The following SRC variants were observed in gnomAD, a reference collection of about 807,000 sequenced individuals.
SRC encodes proto-oncogene tyrosine-protein kinase Src.
Under a neutral mutation model 62.9 loss-of-function variants are expected in SRC, and 13 were observed. That is an observed-to-expected ratio of 0.21 (90% CI 0.13 to 0.33). The LOEUF (loss-of-function observed/expected upper bound fraction) is 0.33. SRC is among the 10% of genes least tolerant of loss of function. The pLI is 1.00. For missense variants in SRC, 457 were observed against 737.3 expected (o/e 0.62, Z 4.40); for synonymous variants, 302 against 317.5 (o/e 0.95, Z 0.52).
At position 37,351,939 on chromosome 20, in the gene SRC, T is replaced by G. The variant is rs1332154586; in HGVS notation, c.-247+5684T>G. ...CCCAGGTATAGGAGGGGTGCGGTGC[T>G]GGGGGCAGGTGACCCTGACTCTCTG... On this transcript the variant is annotated intron_variant, in intron 1 of 13. Coordinates refer to ENST00000373578, the MANE Select transcript of SRC (RefSeq NM_198291.3). The surrounding 1 kb of genome is among the most constrained non-coding windows in gnomAD (Gnocchi z 4.4). Among the ~76,000 whole-genome samples, 2 of 152,214 alleles carry G rather than the reference T, an allele frequency of 1.3e-5. No homozygotes were observed. Among genetic ancestry groups the G allele is most frequent in the African/African-American group, 4.8e-5 (2 of 41,458 alleles).
At chr20:37,373,118 A>C (rs2146990541) in intron 2 of SRC, among the ~76,000 whole-genome samples, 1 of 150,058 alleles carries the variant, frequency 6.7e-6, no homozygotes, top group East Asian at 1.9e-4. Context: ...ATGTACACAC[A>C]CATATGTACA....
intron 2 of SRC, among the ~76,000 whole-genome samples, chr20:37,375,562 A>G (rs180864686): frequency 1.3e-5 from 2 of 151,734 alleles, no homozygotes; most frequent in East Asian, 3.9e-4. Context: ...TTTTTTAGAG[A>G]TGGTGTTTTA....
chr20:37,354,847 A>T (rs2069857474), intron 1 of SRC, among the ~76,000 whole-genome samples: 1 of 152,130 alleles, frequency 6.6e-6, no homozygotes, highest in Non-Finnish European at 1.5e-5. Context: ...TGGTTTTCCC[A>T]CCTATGAGAA....
chr20:37,352,828 C>T (rs2069826450), intron 1 of SRC, among the ~76,000 whole-genome samples: 2 of 152,188 alleles, frequency 1.3e-5, no homozygotes. Context: ...TACACCTTTG[C>T]CCCTGCAGCT....
intron 2 of SRC, among the ~76,000 whole-genome samples, chr20:37,372,076 C>A (rs2070174275): frequency 6.6e-6 from 1 of 152,168 alleles, no homozygotes; most frequent in Non-Finnish European, 1.5e-5. Context: ...TGGCTCATTG[C>A]AGCTCTGAAC....
chr20:37,369,254 T>C (rs571447525), intron 2 of SRC, among the ~76,000 whole-genome samples: 1 of 152,322 alleles, frequency 6.6e-6, no homozygotes, highest in South Asian at 2.1e-4. Context: ...AGCAGACCAA[T>C]TGGGGAGTAT....
chr20:37,368,544 G>GTTTTTTTT (rs1463098892), intron 2 of SRC, among the ~76,000 whole-genome samples: 13 of 73,974 alleles, frequency 1.8e-4, no homozygotes, highest in Non-Finnish European at 2.2e-4. Flanking sequence ...TTTTTTTTTT[G>GTTTTTTTT]TTTTTTTTTT....
At chr20:37,358,893 G>A (rs546499870) in intron 1 of SRC, among the ~76,000 whole-genome samples, 2 of 152,392 alleles carry the variant, frequency 1.3e-5, no homozygotes, top group South Asian at 4.1e-4. Flanking sequence ...TACTGTCCCT[G>A]AGCATGTTCG....
chr20:37,378,641 G>T (rs892419740), intron 2 of SRC, among the ~76,000 whole-genome samples: 1 of 152,182 alleles, frequency 6.6e-6, no homozygotes, highest in Non-Finnish European at 1.5e-5. Context: ...GAGGACTGGA[G>T]CCCCTTTATT....
At chr20:37,383,406 T>C (rs2070393560) in intron 3 of SRC, among the ~76,000 whole-genome samples, 1 of 152,104 alleles carries the variant, frequency 6.6e-6, no homozygotes, top group Admixed American at 6.5e-5. Flanking sequence ...TTAGCACCTT[T>C]CCCCAGCGTT....
intron 1 of SRC, among the ~76,000 whole-genome samples, chr20:37,354,486 T>C (rs747182): frequency 0.16 from 23,774 of 152,122 alleles, 1,989 homozygotes; most frequent in Middle Eastern, 0.22. Flanking sequence ...AGGACTCAAT[T>C]TTCTCATCTG....
chr20:37,355,849 A>G (rs1487007132), intron 1 of SRC, among the ~76,000 whole-genome samples: 1 of 152,102 alleles, frequency 6.6e-6, no homozygotes, highest in African/African-American at 2.4e-5. Flanking sequence ...ATAGCCATGG[A>G]GGTGGGGAGC....
rs1296724258 is a variant in SRC, at chr20:37,401,692, TC to T, written c.1116+17del. 2.5e-6 allele frequency: 4 copies of T among 1,598,648 alleles called. No individual in the cohort carries two copies. The highest frequency in any genetic ancestry group is 1.7e-5 in the Admixed American group (1 of 58,894). ...ATGGCTGCTCAGGTGAGTCAGCCCCTCCCGCCTCCCCACACCCTTGGTCCTC... is the reference window on the plus strand; with the variant it reads ...ATGGCTGCTCAGGTGAGTCAGCCCCTCCGCCTCCCCACACCCTTGGTCCTC... On this transcript the variant is annotated intron_variant, in intron 11 of 13. Transcript: ENST00000373578.
intron 2 of SRC, among the ~76,000 whole-genome samples, chr20:37,377,707 A>G (rs1204792444): frequency 6.6e-6 from 1 of 152,198 alleles, no homozygotes; most frequent in Non-Finnish European, 1.5e-5. Flanking sequence ...AAGCTCTTGA[A>G]TATTTTTTAA....
rs1289549446 is a variant in SRC, at chr20:37,402,645, C to A, written c.1270+57C>A. ...GGCCTGGGACAGGTCACGTCCCGCT[C>A]TGAGCCCCAGTTTTTTCCTCAGCTG... is the stretch of plus-strand genomic sequence containing the variant. On this transcript the variant is annotated intron_variant, in intron 12 of 13. Coordinates refer to ENST00000373578, the MANE Select transcript of SRC (RefSeq NM_198291.3). The surrounding 1 kb of genome is among the most constrained non-coding windows in gnomAD (Gnocchi z 6.2). 6.3e-7 allele frequency: 1 copy of A among 1,575,846 alleles called. No homozygotes were observed. The highest frequency in any genetic ancestry group is 1.2e-5 in the South Asian group (1 of 85,172).
chr20:37,388,630 C>T (rs1328128843), intron 5 of SRC, among the ~76,000 whole-genome samples: 3 of 152,176 alleles, frequency 2.0e-5, no homozygotes, highest in Non-Finnish European at 2.9e-5. Flanking sequence ...TGCCAGTGGT[C>T]CCAGCTACTC....
intron 1 of SRC, among the ~76,000 whole-genome samples, chr20:37,358,307 C>T (rs1405904147): frequency 6.6e-6 from 1 of 152,162 alleles, no homozygotes; most frequent in African/African-American, 2.4e-5. Flanking sequence ...TGGCCGTGGT[C>T]ACCCCAGAGC....
chr20:37,361,442 G>C lies in SRC; in HGVS notation c.-246-3762G>C, dbSNP rs896808790. On this transcript the variant is annotated intron_variant, in intron 1 of 13. Transcript: ENST00000373578. ...CACCTGCAGGCTTGAACGGGGCCAG[G>C]GGGTGGGTTTGGGGCTCAGGCTGGG... Among the ~76,000 whole-genome samples, 5 of 152,222 alleles carry C rather than the reference G, an allele frequency of 3.3e-5. No homozygotes were observed. In the East Asian group the frequency reaches 9.6e-4, roughly 29 times the overall value.
At chr20:37,350,257 G>A (rs1600948038) in intron 1 of SRC, among the ~76,000 whole-genome samples, 1 of 152,190 alleles carries the variant, frequency 6.6e-6, no homozygotes, top group East Asian at 1.9e-4. Context: ...AGGATAGTGA[G>A]TCATGGTTCC....
Sources: gnomAD v4.1 joint callset for allele counts (sites outside exome capture counted in the v4.1 genomes callset) on GRCh38, gnomAD v4.1.1 for gene constraint, Gnocchi (gnomAD v3.1) non-coding constraint, MANE v1.5 for transcripts, NCBI Gene and HGNC (gene_info 2026-07-23, HGNC 2026-07-21) for gene names.